Variants in CRHR2 observed in about 807,000 individuals in gnomAD.
The protein encoded by CRHR2 is corticotropin-releasing hormone receptor 2.
CRHR2 carries 53 observed loss-of-function variants against 57.9 expected under a neutral mutation model. The ratio of observed to expected loss-of-function variants is 0.92; its 90% CI spans 0.73 to 1.15. CRHR2 has a LOEUF of 1.15. Among genes scored for constraint, CRHR2 ranks in the 50% most tolerant of loss-of-function variants. The pLI is 0.00. For synonymous variants in CRHR2, 213 were observed against 220.9 expected, an observed-to-expected ratio of 0.96 and a Z score of 0.32; for missense variants, 532 against 542.6, an observed-to-expected ratio of 0.98 and a Z score of 0.19.
At chr7:30,690,749 G>A (rs549823269) in intron 1 of CRHR2, among the ~76,000 whole-genome samples, 1 of 152,324 alleles carries the variant, frequency 6.6e-6, no homozygotes, top group South Asian at 2.1e-4. Context: ...GCTCAGACAG[G>A]AGAGTGCTGC....
rs190740808 is a variant in CRHR2, at chr7:30,656,714, G to T, written c.832-702C>A. 6.6e-6 allele frequency among the ~76,000 whole-genome samples: 1 copy of T among 152,172 alleles called. No individual in the cohort carries two copies. Among genetic ancestry groups the T allele is most frequent in the African/African-American group, 2.4e-5 (1 of 41,442 alleles). Reference sequence around the variant, plus strand: ...CAGCACCTGGCCCTGGAACTGGCCTGTGTGGCTCCCCAGCTGCTCCCTGCT... The same window carrying T: ...CAGCACCTGGCCCTGGAACTGGCCTTTGTGGCTCCCCAGCTGCTCCCTGCT... On this transcript the variant is annotated intron_variant, in intron 8 of 11. Transcript: ENST00000471646. The surrounding 1 kb of genome is among the most constrained non-coding windows in gnomAD (Gnocchi z 4.4).
At chr7:30,669,249 C>T (rs1296985329) in intron 2 of CRHR2, among the ~76,000 whole-genome samples, 1 of 152,130 alleles carries the variant, frequency 6.6e-6, no homozygotes, top group African/African-American at 2.4e-5. Flanking sequence ...GGAAGACCTC[C>T]TTGATTGCTT....
intron 1 of CRHR2, among the ~76,000 whole-genome samples, chr7:30,692,717 C>T (rs956981291): frequency 1.3e-5 from 2 of 152,186 alleles, no homozygotes; most frequent in African/African-American, 4.8e-5. Context: ...TACTCTAGTG[C>T]TAGACCTGCC....
chr7:30,668,790 C>T (rs1276366437), intron 2 of CRHR2, among the ~76,000 whole-genome samples: 3 of 152,300 alleles, frequency 2.0e-5, no homozygotes, highest in East Asian at 3.9e-4. Context: ...GGCCAAGGCC[C>T]ATCCCTGGCA....
At chr7:30,696,615 T>G (rs181733101) in intron 1 of CRHR2, among the ~76,000 whole-genome samples, 3 of 152,142 alleles carry the variant, frequency 2.0e-5, no homozygotes, top group Admixed American at 2.0e-4. Context: ...TCCTGGCTAC[T>G]CAGGAGGCTG....
At chr7:30,686,202 C>T (rs1206038396), upstream of CRHR2, among the ~76,000 whole-genome samples, 1 of 152,224 alleles carries the variant, frequency 6.6e-6, no homozygotes, top group African/African-American at 2.4e-5. Context: ...AGACATGCAG[C>T]TCCTTGGTGA....
rs753606266 is a variant in CRHR2 at position 30,653,602 on chromosome 7, T to G, written c.1096-2A>C. On this transcript the variant is annotated splice_acceptor_variant, in intron 11 of 11. Coordinates refer to ENST00000471646, the MANE Select transcript of CRHR2 (RefSeq NM_001883.5). LOFTEE classifies it high-confidence loss of function. This position sits in a 1 kb window ranked among gnomAD's most constrained non-coding sequence, Gnocchi z 5.0. ...CCTCTTCCTCACGGCTGAGCGCACCTGTGGGGAAGGCAGAGGCTCAGCTGG... is the reference window on the plus strand; with the variant it reads ...CCTCTTCCTCACGGCTGAGCGCACCGGTGGGGAAGGCAGAGGCTCAGCTGG... The G allele has an allele frequency of 1.7e-5, 28 of 1,607,882 alleles. No individual in the cohort carries two copies. Among genetic ancestry groups the G allele is most frequent in the Middle Eastern group, 3.3e-4 (2 of 6,024 alleles).
Position 30,653,333 on chromosome 7 carries a change from C to A in CRHR2, c.*127G>T. On this transcript the variant is annotated 3_prime_UTR_variant, in exon 12 of 12. Transcript: ENST00000471646. This position sits in a 1 kb window ranked among gnomAD's most constrained non-coding sequence, Gnocchi z 5.0. ...CCTTGGCTGCCGCACCCCCTCTTTC[C>A]TGCCAGGCTGGAGAGCTGGTCTCTC... 1 of 1,391,046 alleles carries A rather than the reference C, an allele frequency of 7.2e-7. No homozygotes were observed. Among genetic ancestry groups the A allele is most frequent in the South Asian group, 1.4e-5 (1 of 71,778 alleles). 86.2% of individuals were successfully genotyped at this position (1,391,046 alleles called of 1,614,324 possible).
intron 6 of CRHR2, among the ~76,000 whole-genome samples, 183 bp downstream of exon 6, chr7:30,662,511 A>C (rs1022542700): frequency 1.3e-5 from 2 of 152,194 alleles, no homozygotes; most frequent in Non-Finnish European, 2.9e-5. Context: ...TATTTGAGGA[A>C]TATCCTTTGG....
rs148507197 is a variant in CRHR2, at chr7:30,677,313, C to G, written c.229+4602G>C. 1.3e-4 allele frequency among the ~76,000 whole-genome samples: 20 copies of G among 152,148 alleles called. No individual in the cohort carries two copies. The East Asian group carries it at 3.7e-3, about 28-fold the overall frequency. On this transcript the variant is annotated intron_variant, in intron 2 of 11. Coordinates refer to ENST00000471646, the MANE Select transcript of CRHR2 (RefSeq NM_001883.5). ...ACAGACAGGGAGACAATGAGAGAGA[C>G]ACAGAGACAGAGATGTACACACAGA...
intron 10 of CRHR2, 123 bp from the exon 11 acceptor site, chr7:30,655,203 C>A: frequency 9.0e-7 from 1 of 1,112,704 alleles, no homozygotes; most frequent in South Asian, 1.5e-5. Flanking sequence ...CCCCTGGAGT[C>A]AGAGCTGGGT....
chr7:30,673,863 G>C (rs1784438005), intron 2 of CRHR2, among the ~76,000 whole-genome samples: 1 of 152,178 alleles, frequency 6.6e-6, no homozygotes, highest in Non-Finnish European at 1.5e-5. Context: ...GTTCACCCAA[G>C]CTCAGACCCA....
chr7:30,663,931 G>A (rs1415030162), intron 5 of CRHR2, among the ~76,000 whole-genome samples: 1 of 152,202 alleles, frequency 6.6e-6, no homozygotes, highest in Non-Finnish European at 1.5e-5. Flanking sequence ...TAACCCTCCT[G>A]TGCTGAGCTG....
chr7:30,678,175 A>G (rs1483260554), intron 2 of CRHR2, among the ~76,000 whole-genome samples: 5 of 152,174 alleles, frequency 3.3e-5, no homozygotes, highest in Admixed American at 3.3e-4. Flanking sequence ...AAGCTCCCCA[A>G]TATCTTTTTA....
chr7:30,667,145 G>GC (rs1431876684), intron 3 of CRHR2, 83 bp downstream of exon 3: 2 of 1,251,804 alleles, frequency 1.6e-6, no homozygotes, highest in Admixed American at 1.7e-5. Flanking sequence ...GGACTGGTCT[G>GC]CCCCCCTTGG....
intron 2 of CRHR2, chr7:30,688,856 C>G (rs917196): frequency 0.31 from 148,456 of 481,332 alleles, 29,476 homozygotes; most frequent in African/African-American, 0.77. Context: ...AGAATGTTTA[C>G]CACCTTCTGC....
At chr7:30,690,450 G>A (rs755650702) in intron 1 of CRHR2, among the ~76,000 whole-genome samples, 8 of 152,182 alleles carry the variant, frequency 5.3e-5, no homozygotes, top group Non-Finnish European at 8.8e-5. Flanking sequence ...ATGCACACAC[G>A]TGTGTGACTT....
chr7:30,655,866 G>T, intron 9 of CRHR2, 61 bp downstream of exon 9: 1 of 1,602,040 alleles, frequency 6.2e-7, no homozygotes, highest in Non-Finnish European at 8.5e-7. Flanking sequence ...CAGGAAGCAG[G>T]GGGACGGCCC....
intron 1 of CRHR2, among the ~76,000 whole-genome samples, chr7:30,691,480 G>A (rs190736664): frequency 1.8e-4 from 27 of 152,316 alleles, no homozygotes; most frequent in African/African-American, 5.3e-4. Flanking sequence ...ACCCATGATG[G>A]GGTCAGGGCA....
Sources: allele counts gnomAD v4.1 joint callset (sites outside exome capture counted in the v4.1 genomes callset), GRCh38; gene constraint gnomAD v4.1.1; non-coding constraint Gnocchi (gnomAD v3.1); transcripts MANE v1.5; gene names NCBI Gene and HGNC (gene_info 2026-07-23, HGNC 2026-07-21).